RREB1: variants seen among roughly 807,000 people sequenced by gnomAD.
RREB1 encodes the protein ras responsive element binding protein 1.
A neutral mutation model predicts 117.8 loss-of-function variants in RREB1; 27 were observed. That is an observed-to-expected ratio of 0.23 (90% CI 0.17 to 0.32). The LOEUF (loss-of-function observed/expected upper bound fraction) is 0.32. Ranked by LOEUF, RREB1 falls within the 10% of genes least tolerant of loss-of-function variation. RREB1 has a pLI of 1.00. For synonymous variants in RREB1, 1,298 were observed against 1,026.7 expected (o/e 1.26, Z -5.05); for missense variants, 2,577 against 2,378.2 (o/e 1.08, Z -1.74).
rs550244075 is a variant in RREB1, at chr6:7,145,032, G to A, written c.-284-31623G>A. On this transcript the variant is annotated intron_variant, in intron 1 of 12. Transcript: ENST00000379938. ...TTGTGAGAGTCATGCTTTCTTCTTCGTCTCACCGTGTAGAGGGGAAGATCT... is the reference window on the plus strand; with the variant it reads ...TTGTGAGAGTCATGCTTTCTTCTTCATCTCACCGTGTAGAGGGGAAGATCT... 4.6e-5 allele frequency among the ~76,000 whole-genome samples: 7 copies of A among 152,126 alleles called. No homozygotes were observed. In the East Asian group the frequency reaches 5.8e-4, roughly 13 times the overall value.
chr6:7,229,385 C>T lies in RREB1; in HGVS notation c.1286C>T (p.Ala429Val), dbSNP rs371245632. 9 of 1,613,996 alleles carry T rather than the reference C, an allele frequency of 5.6e-6. No homozygotes were observed. The highest frequency in any genetic ancestry group is 1.1e-5 in the South Asian group (1 of 91,086). ...SLGGSLTVLP[A>V]TKDSIKHLSL... ...GGCGGTTCTCTCACAGTTCTCCCCG[C>T]GACCAAGGACAGCATAAAGCACCTG... Residue 429 changes from alanine (A) to valine (V), a missense_variant, in exon 10 of 13, where the codon GCG (alanine) becomes GTG (valine). Coordinates refer to ENST00000379938, the MANE Select transcript of RREB1 (RefSeq NM_001003699.4). This position sits in a 1 kb window ranked among gnomAD's most constrained non-coding sequence, Gnocchi z 4.5.
chr6:7,117,271 C>A (rs925618989), intron 1 of RREB1, among the ~76,000 whole-genome samples: 1 of 150,974 alleles, frequency 6.6e-6, no homozygotes, highest in Non-Finnish European at 1.5e-5. Flanking sequence ...TATACAAAAT[C>A]AAAATCTTAA....
chr6:7,240,438 GTCAGAAACCCT>G lies in RREB1; in HGVS notation c.3812_3822del (p.Gln1271ProfsTer14). The G allele has an allele frequency of 6.2e-7, 1 of 1,611,390 alleles. No homozygotes were observed. The highest frequency in any genetic ancestry group is 8.5e-7 in the Non-Finnish European group (1 of 1,178,732). On this transcript the variant is annotated frameshift_variant and splice_region_variant, in exon 11 of 13. Transcript: ENST00000379938. LOFTEE classifies it high-confidence loss of function. ...ATATATATTTTTTTTCCTGCTTCAGGTCAGAAACCCTTCCCTTGTCAAAAATGCGATGCCTT... is the reference window on the plus strand; with the variant it reads ...ATATATATTTTTTTTCCTGCTTCAGGTCCCTTGTCAAAAATGCGATGCCTT...
chr6:7,109,192 TTCC>T (rs1476910200), intron 1 of RREB1, among the ~76,000 whole-genome samples: 1 of 151,714 alleles, frequency 6.6e-6, no homozygotes, highest in Non-Finnish European at 1.5e-5. Context: ...GGGGCTTCCC[TTCC>T]TCCTCCCATC....
In RREB1 at chr6:7,231,416, G is replaced by A. The variant is rs1170811861; in HGVS notation, c.3317G>A (p.Gly1106Asp). 1.2e-6 allele frequency: 2 copies of A among 1,613,222 alleles called. No homozygotes were observed. Among genetic ancestry groups the A allele is most frequent in the East Asian group, 2.2e-5 (1 of 44,864 alleles). Residue 1106 changes from glycine to aspartate, a missense_variant, in exon 10 of 13, where the codon GGT becomes GAT. Gly to Asp is a moderately conservative substitution (Grantham distance 94). Coordinates refer to ENST00000379938, the MANE Select transcript of RREB1 (RefSeq NM_001003699.4). ...ACCACGGCTTCAGACAGCTTAGGAG[G>A]TTCTGTCCCCAAAGCCGCCACCACC... ...SNTTASDSLG[G>D]SVPKAATTAT...
At position 7,240,434 on chromosome 6, in the gene RREB1, TC is replaced by T; in HGVS notation, c.3809-3del. 4 of 1,606,470 alleles carry T rather than the reference TC, an allele frequency of 2.5e-6. No homozygotes were observed. Among genetic ancestry groups the T allele is most frequent in the Non-Finnish European group, 3.4e-6 (4 of 1,176,574 alleles). ...ATAAATATATATTTTTTTTCCTGCT[TC>T]AGGTCAGAAACCCTTCCCTTGTCAA... is the stretch of plus-strand genomic sequence containing the variant. On this transcript the variant is annotated splice_polypyrimidine_tract_variant and splice_region_variant and intron_variant, in intron 10 of 12. Coordinates refer to ENST00000379938, the MANE Select transcript of RREB1 (RefSeq NM_001003699.4).
chr6:7,119,508 A>G (rs1274865876), intron 1 of RREB1, among the ~76,000 whole-genome samples: 1 of 152,190 alleles, frequency 6.6e-6, no homozygotes, highest in Non-Finnish European at 1.5e-5. Context: ...ATTTGAGCTA[A>G]TAGCTGAAGG....
rs763325842 is a variant in RREB1 at position 7,231,053 on chromosome 6, C to T, written c.2954C>T (p.Pro985Leu). The T allele has an allele frequency of 1.9e-6, 3 of 1,613,826 alleles. No homozygotes were observed. The South Asian group carries it at 3.3e-5, about 18-fold the overall frequency. ...CCTTCTCTTCCTGTAACTTTGGGGCCCAGCGGAATCCTGGAAAGCCCCATG... is the reference window on the plus strand; with the variant it reads ...CCTTCTCTTCCTGTAACTTTGGGGCTCAGCGGAATCCTGGAAAGCCCCATG... ...PGPSLPVTLGPSGILESPMAP... is the reference protein window; with the variant it reads ...PGPSLPVTLGLSGILESPMAP... Residue 985 changes from proline to leucine, a missense_variant, in exon 10 of 13, where the codon CCC becomes CTC. By Grantham distance (98) the Pro-to-Leu change is moderately conservative. Coordinates refer to ENST00000379938, the MANE Select transcript of RREB1 (RefSeq NM_001003699.4).
intron 10 of RREB1, among the ~76,000 whole-genome samples, chr6:7,239,610 C>A (rs1351854360): frequency 6.6e-6 from 1 of 152,226 alleles, no homozygotes; most frequent in Non-Finnish European, 1.5e-5. Flanking sequence ...GCTCACCCAT[C>A]TGTGCGTTTG....
chr6:7,226,144 G>A (rs980574957), intron 8 of RREB1, among the ~76,000 whole-genome samples: 3 of 152,174 alleles, frequency 2.0e-5, no homozygotes, highest in Non-Finnish European at 4.4e-5. Flanking sequence ...TGATCGAGGC[G>A]AGAGCGAGCA....
chr6:7,249,481 A>AT lies in RREB1; in HGVS notation c.*514dup, dbSNP rs956188615. 25 of 153,516 alleles carry AT rather than the reference A, an allele frequency of 1.6e-4. No individual in the cohort carries two copies. Among genetic ancestry groups the AT allele is most frequent in the Non-Finnish European group, 7.3e-5 (5 of 68,686 alleles). 9.5% of individuals were successfully genotyped at this position (153,516 alleles called of 1,614,324 possible). Reference sequence around the variant, plus strand: ...AATGACCAGAGGAAAGATGGATAAGATGATAATTTCTTAAATAGACATTTT... The same window carrying AT: ...AATGACCAGAGGAAAGATGGATAAGATTGATAATTTCTTAAATAGACATTTT... On this transcript the variant is annotated 3_prime_UTR_variant, in exon 13 of 13. Transcript: ENST00000379938.
intron 10 of RREB1, 98 bp downstream of exon 10, chr6:7,232,005 A>G (rs1768017046): frequency 2.4e-6 from 3 of 1,264,678 alleles, no homozygotes; most frequent in Admixed American, 2.4e-5. Context: ...CCACAGTTCC[A>G]GTTATTCCTA....
Position 7,226,643 on chromosome 6 carries a change from C to T in RREB1, c.884C>T (p.Pro295Leu), listed in dbSNP as rs113426817. Residue 295 changes from proline to leucine, a missense_variant, in exon 9 of 13, where the codon CCT (proline) becomes CTT (leucine). Physicochemically the swap from Pro to Leu is moderately conservative, Grantham distance 98. Coordinates refer to ENST00000379938, the MANE Select transcript of RREB1 (RefSeq NM_001003699.4). ...ACGGACTTCTCCTGTAGGAAGTTTC[C>T]TCGCATTTCTCAGGTATTCTGATCA... ...GFTDFSCRKF[P>L]RISQAWCETN... 7 of 1,613,730 alleles carry T rather than the reference C, an allele frequency of 4.3e-6. No individual in the cohort carries two copies. The highest frequency in any genetic ancestry group is 5.1e-6 in the Non-Finnish European group (6 of 1,179,836).
chr6:7,201,931 G>A (rs1364019703), intron 6 of RREB1, among the ~76,000 whole-genome samples: 1 of 152,178 alleles, frequency 6.6e-6, no homozygotes, highest in Admixed American at 6.5e-5. Context: ...GAGAACAGAG[G>A]CCATGTGTGC....
At chr6:7,117,277 CTTAA>C (rs1192316602) in intron 1 of RREB1, among the ~76,000 whole-genome samples, 1 of 150,234 alleles carries the variant, frequency 6.7e-6, no homozygotes, top group East Asian at 2.0e-4. Context: ...AAATCAAAAT[CTTAA>C]TTTTCTCATA....
At position 7,246,782 on chromosome 6, in the gene RREB1, G is replaced by A. The variant is rs757854749; in HGVS notation, c.4332G>A (p.Gln1444=). Residue 1444 remains glutamine, a synonymous_variant, in exon 12 of 13, where the codon CAG becomes CAA. Coordinates refer to ENST00000379938, the MANE Select transcript of RREB1 (RefSeq NM_001003699.4). ...CAGGCGCCGGGGGCGCGGCCTCGCA[G>A]GAGCAGAAGCTCGCCTGCGACACCT... The part of the protein sequence containing the change: ...GEAGAGGAAS[Q]EQKLACDTCG... 24 of 1,550,540 alleles carry A rather than the reference G, an allele frequency of 1.5e-5. No homozygotes were observed. In the Admixed American group the frequency reaches 4.2e-4, roughly 27 times the overall value.
chr6:7,157,623 T>G (rs913572004), intron 1 of RREB1, among the ~76,000 whole-genome samples: 1 of 151,710 alleles, frequency 6.6e-6, no homozygotes, highest in Non-Finnish European at 1.5e-5. Flanking sequence ...AAAAATAAAG[T>G]TAGCATGGTG....
chr6:7,232,419 T>G (rs189317658), intron 10 of RREB1, among the ~76,000 whole-genome samples: 1 of 152,200 alleles, frequency 6.6e-6, no homozygotes, highest in African/African-American at 2.4e-5. Flanking sequence ...TATGACAAAT[T>G]GTGAGGTTGG....
chr6:7,222,821 A>C (rs190370932), intron 8 of RREB1, among the ~76,000 whole-genome samples: 3 of 152,184 alleles, frequency 2.0e-5, no homozygotes, highest in East Asian at 3.9e-4. Flanking sequence ...CACTACAACC[A>C]TAGAGGTGCA....
Sources: allele counts gnomAD v4.1 joint callset (sites outside exome capture counted in the v4.1 genomes callset), GRCh38; gene constraint gnomAD v4.1.1; non-coding constraint Gnocchi (gnomAD v3.1); transcripts MANE v1.5; gene names NCBI Gene and HGNC (gene_info 2026-07-23, HGNC 2026-07-21).